PXK: variants seen among roughly 807,000 people sequenced by gnomAD.
PXK encodes the protein PX domain-containing protein kinase-like protein.
PXK carries 35 observed loss-of-function variants against 84.7 expected under a neutral mutation model. That is an observed-to-expected ratio of 0.41 (90% CI 0.32 to 0.55). PXK has a LOEUF of 0.55. Among genes scored for constraint, PXK ranks in the 20% least tolerant of loss-of-function variants. The pLI is 0.21. For synonymous variants in PXK, 253 were observed against 260.8 expected (o/e 0.97, Z 0.29); for missense variants, 634 against 699.7 (o/e 0.91, Z 1.06).
chr3:58,353,002 A>ATT lies in PXK; in HGVS notation c.103-12861_103-12860dup, dbSNP rs5849248. On this transcript the variant is annotated intron_variant, in intron 1 of 17. Coordinates refer to ENST00000356151, the MANE Select transcript of PXK (RefSeq NM_017771.5). ...TAAAGCACATGATTCTATGAATTAG[A>ATT]TTTTTTTTTTTTGAGACAGAGTCTT... Among the ~76,000 whole-genome samples, 242 of 148,868 alleles carry ATT rather than the reference A, an allele frequency of 1.6e-3. 1 individual carries two copies. The highest frequency in any genetic ancestry group is 3.0e-3 in the Admixed American group (45 of 14,956).
At position 58,399,365 on chromosome 3, in the gene PXK, T is replaced by C; in HGVS notation, c.1169T>C (p.Leu390Pro). The change falls in exon 12 of 18, where the codon CTC (leucine) becomes CCC (proline). Residue 390 changes from leucine (L) to proline (P), a missense_variant. By Grantham distance (98) the Leu-to-Pro change is moderately conservative. Coordinates refer to ENST00000356151, the MANE Select transcript of PXK (RefSeq NM_017771.5). This position sits in a 1 kb window ranked among gnomAD's most constrained non-coding sequence, Gnocchi z 4.3. ...AATGGCATGCCTACCATCTCCCGGC[T>C]CTTACAGATGCCGTAAGTCAATCAT... Reference protein sequence around the residue: ...CKNGMPTISRLLQMPLFSDVL... With the variant: ...CKNGMPTISRPLQMPLFSDVL... 6.2e-7 allele frequency: 1 copy of C among 1,613,404 alleles called. No individual in the cohort carries two copies. The highest frequency in any genetic ancestry group is 2.2e-5 in the East Asian group (1 of 44,876).
intron 1 of PXK, among the ~76,000 whole-genome samples, chr3:58,363,983 A>G (rs758083461): frequency 6.6e-6 from 1 of 152,174 alleles, no homozygotes; most frequent in Non-Finnish European, 1.5e-5. Flanking sequence ...TTTCTGCATC[A>G]TTTGATACGA....
intron 1 of PXK, among the ~76,000 whole-genome samples, chr3:58,358,913 T>C (rs772522527): frequency 6.6e-6 from 1 of 152,200 alleles, no homozygotes; most frequent in Admixed American, 6.5e-5. Flanking sequence ...CCCCAAACAT[T>C]ATTGCTTGTT....
rs1426716043 is a variant in PXK, at chr3:58,385,489, G to A, written c.388+2789G>A. Among the ~76,000 whole-genome samples, 1 of 152,116 alleles carries A rather than the reference G, an allele frequency of 6.6e-6. No homozygotes were observed. The highest frequency in any genetic ancestry group is 1.5e-5 in the Non-Finnish European group (1 of 68,018). On this transcript the variant is annotated intron_variant, in intron 4 of 17. Coordinates refer to ENST00000356151, the MANE Select transcript of PXK (RefSeq NM_017771.5). This position sits in a 1 kb window ranked among gnomAD's most constrained non-coding sequence, Gnocchi z 5.1. ...CTCTCACCTTGTGGCACTTCTCTAA[G>A]CAGGGCCGCTTTCCCTGTTTGTTTT...
chr3:58,422,408 C>T, intron 17 of PXK: 1 of 985,436 alleles, frequency 1.0e-6, no homozygotes, highest in East Asian at 1.1e-4. Context: ...CACCGGACTG[C>T]TCCAGCCTGC....
At chr3:58,422,145 T>C (rs2061980700) in intron 17 of PXK, 6 of 985,362 alleles carry the variant, frequency 6.1e-6, no homozygotes, top group East Asian at 1.1e-4. Context: ...TTCAGGAAGC[T>C]TGTGGACCAT....
intron 3 of PXK, among the ~76,000 whole-genome samples, chr3:58,373,271 G>A (rs947986124): frequency 2.0e-5 from 3 of 148,736 alleles, no homozygotes; most frequent in Admixed American, 6.8e-5. Context: ...GTAGAGATGG[G>A]ATTTCACTGT....
At chr3:58,350,887 T>C (rs1408004427) in intron 1 of PXK, among the ~76,000 whole-genome samples, 1 of 152,164 alleles carries the variant, frequency 6.6e-6, no homozygotes, top group Non-Finnish European at 1.5e-5. Context: ...GTAGGAAGGA[T>C]AGATTTATAT....
chr3:58,406,139 G>GT (rs1461246868), intron 13 of PXK, among the ~76,000 whole-genome samples: 3 of 151,864 alleles, frequency 2.0e-5, no homozygotes, highest in Non-Finnish European at 4.4e-5. Flanking sequence ...GCTAATTTTT[G>GT]TATTTTTAGT....
intron 3 of PXK, among the ~76,000 whole-genome samples, chr3:58,378,512 T>TTTGTG (rs763961222): frequency 6.9e-5 from 2 of 29,098 alleles, no homozygotes; most frequent in African/African-American, 1.3e-4. Flanking sequence ...TTTTTTTTTT[T>TTTGTG]TGTGTGTGTG....
intron 1 of PXK, among the ~76,000 whole-genome samples, chr3:58,342,035 T>C (rs1032667155): frequency 1.3e-5 from 2 of 151,864 alleles, no homozygotes; most frequent in African/African-American, 4.8e-5. Context: ...AAAGAAGCCT[T>C]AGTCATCACC....
chr3:58,333,008 C>T lies in PXK; in HGVS notation c.20C>T (p.Pro7Leu). 7.3e-7 allele frequency: 1 copy of T among 1,368,532 alleles called. No homozygotes were observed. Among genetic ancestry groups the T allele is most frequent in the Non-Finnish European group, 9.5e-7 (1 of 1,048,146 alleles). The allele number at this position is 1,368,532 out of a possible 1,614,324, so 84.8% of individuals were successfully genotyped here. A position where few individuals can be genotyped will look rare whatever the true frequency, so the allele number is the denominator to read the frequency against. The change falls in exon 1 of 18, where the codon CCG becomes CTG. Residue 7 changes from proline to leucine, a missense_variant. Physicochemically the swap from Pro to Leu is moderately conservative, Grantham distance 98. Coordinates refer to ENST00000356151, the MANE Select transcript of PXK (RefSeq NM_017771.5). This position sits in a 1 kb window ranked among gnomAD's most constrained non-coding sequence, Gnocchi z 5.4. ...CCCGGGATGGCCTTCATGGAGAAGC[C>T]GCCAGCCGGCAAGGTGCTGCTGGAC... is the stretch of plus-strand genomic sequence containing the variant. MAFMEK[P>L]PAGKVLLDDT...
Position 58,424,805 on chromosome 3 carries a change from T to C in PXK, c.1582T>C (p.Leu528=), listed in dbSNP as rs748706960. 2 of 1,614,154 alleles carry C rather than the reference T, an allele frequency of 1.2e-6. No individual in the cohort carries two copies. Among genetic ancestry groups the C allele is most frequent in the East Asian group, 2.2e-5 (1 of 44,884 alleles). The part of the protein sequence containing the change: ...PPPPPPPAAP[L]PPASTEAPAQ... ...ACCTCCACCACCACCAGCAGCTCCCTTGCCTCCTGCGAGCACCGAGGCACC... is the reference window on the plus strand; with the variant it reads ...ACCTCCACCACCACCAGCAGCTCCCCTGCCTCCTGCGAGCACCGAGGCACC... Residue 528 remains leucine, a synonymous_variant, in exon 18 of 18, where the codon TTG becomes CTG. Coordinates refer to ENST00000356151, the MANE Select transcript of PXK (RefSeq NM_017771.5).
Position 58,402,523 on chromosome 3 carries a change from G to A in PXK, c.1182-1339G>A, listed in dbSNP as rs137987937. ...TGGCTCACTGCAAGCTCCGCCTCCC[G>A]GGTTCAAGTGATCCTCTTGCCTCAG... On this transcript the variant is annotated intron_variant, in intron 12 of 17. Coordinates refer to ENST00000356151, the MANE Select transcript of PXK (RefSeq NM_017771.5). Among the ~76,000 whole-genome samples the A allele has an allele frequency of 8.3e-3, 1,256 of 150,990 alleles. 21 individuals carry two copies. The highest frequency in any genetic ancestry group is 0.029 in the African/African-American group (1,200 of 41,164).
chr3:58,410,732 T>C (rs2060078031), intron 16 of PXK, among the ~76,000 whole-genome samples: 1 of 152,244 alleles, frequency 6.6e-6, no homozygotes, highest in African/African-American at 2.4e-5. Context: ...CAGAGCCAGA[T>C]TGAATGATCC....
chr3:58,343,491 T>C (rs563650175), intron 1 of PXK, among the ~76,000 whole-genome samples: 59 of 152,322 alleles, frequency 3.9e-4, no homozygotes, highest in African/African-American at 1.1e-3. Flanking sequence ...GCTCCCACTC[T>C]TTGGTGAGTG....
intron 1 of PXK, among the ~76,000 whole-genome samples, chr3:58,350,911 A>C (rs937452983): frequency 6.6e-6 from 1 of 152,190 alleles, no homozygotes; most frequent in Non-Finnish European, 1.5e-5. Context: ...CGTTATCCTA[A>C]GTGATGGTGA....
In PXK at chr3:58,402,435, C is replaced by CT. The variant is rs751026027; in HGVS notation, c.1182-1414dup. Among the ~76,000 whole-genome samples the CT allele has an allele frequency of 5.8e-3, 832 of 142,644 alleles. 5 individuals are homozygous for CT. The highest frequency in any genetic ancestry group is 7.1e-3 in the African/African-American group (279 of 39,180). 93.6% of individuals were successfully genotyped at this position (142,644 alleles called of 152,430 possible). On this transcript the variant is annotated intron_variant, in intron 12 of 17. Coordinates refer to ENST00000356151, the MANE Select transcript of PXK (RefSeq NM_017771.5). Reference sequence around the variant, plus strand: ...TGCTATTGTTTTTTTCTTTTCTTTTCTTTTTTTTTTTTTAGATAGAGTCTT... The same window carrying CT: ...TGCTATTGTTTTTTTCTTTTCTTTTCTTTTTTTTTTTTTTAGATAGAGTCTT...
intron 1 of PXK, among the ~76,000 whole-genome samples, chr3:58,340,723 CT>C (rs1180435727): frequency 2.7e-5 from 4 of 147,526 alleles, no homozygotes; most frequent in Admixed American, 2.7e-4. Context: ...GAAACTCTGT[CT>C]CAAAAAAAAA....
Sources: allele counts gnomAD v4.1 joint callset (sites outside exome capture counted in the v4.1 genomes callset), GRCh38; gene constraint gnomAD v4.1.1; non-coding constraint Gnocchi (gnomAD v3.1); transcripts MANE v1.5; gene names NCBI Gene and HGNC (gene_info 2026-07-23, HGNC 2026-07-21).